The following PCDHA10 variants were observed in gnomAD, a reference collection of about 807,000 sequenced individuals.
PCDHA10 encodes the protein protocadherin alpha-10.
In PCDHA10, 45 loss-of-function variants were observed where a neutral mutation model predicts 61.2. The observed-to-expected ratio is 0.74, with a 90% confidence interval of 0.58 to 0.94. PCDHA10 has a LOEUF of 0.94. Among genes scored for constraint, PCDHA10 ranks in the 40% least tolerant of loss-of-function variants. The pLI, the probability that PCDHA10 is intolerant of heterozygous loss-of-function variation, is 0.00. For missense variants in PCDHA10, 1,278 were observed against 1,236.2 expected (o/e 1.03, Z -0.51); for synonymous variants, 602 against 548.8 (o/e 1.10, Z -1.35).
intron 1 of PCDHA10, chr5:140,875,190 C>T (rs2055337617): frequency 4.0e-6 from 2 of 496,884 alleles, no homozygotes; most frequent in Admixed American, 4.0e-5. Flanking sequence ...TTAAGAGTGA[C>T]CCAGGAAGTG....
intron 1 of PCDHA10, among the ~76,000 whole-genome samples, chr5:140,912,273 A>G (rs551128589): frequency 1.3e-5 from 2 of 151,890 alleles, no homozygotes; most frequent in South Asian, 4.2e-4. Flanking sequence ...TCACAGATAT[A>G]CCCAGGAACA....
At chr5:140,872,801 C>T (rs2053909345) in intron 1 of PCDHA10, among the ~76,000 whole-genome samples, 1 of 152,086 alleles carries the variant, frequency 6.6e-6, no homozygotes, top group African/African-American at 2.4e-5. Context: ...GGCATTCTTC[C>T]ATAAGTTTTT....
intron 1 of PCDHA10, among the ~76,000 whole-genome samples, chr5:140,888,878 T>G (rs1280508372): frequency 6.6e-6 from 1 of 152,132 alleles, no homozygotes; most frequent in African/African-American, 2.4e-5. Flanking sequence ...ACATAAAAAT[T>G]AAAACATTAG....
intron 1 of PCDHA10, among the ~76,000 whole-genome samples, chr5:140,949,913 A>G (rs554549969): frequency 9.9e-5 from 15 of 151,452 alleles, no homozygotes; most frequent in Admixed American, 2.6e-4. Context: ...TTTAGATATA[A>G]CTATTTTTAG....
At chr5:140,865,006 T>C (rs1171249709) in intron 1 of PCDHA10, 2 of 152,174 alleles carry the variant, frequency 1.3e-5, no homozygotes, top group Non-Finnish European at 2.9e-5. Context: ...GAGACCAGCC[T>C]CGGCAACATA....
In PCDHA10 at chr5:141,002,410, T is replaced by C. The variant is rs1034024595; in HGVS notation, c.2537-7217T>C. 2.2e-4 allele frequency among the ~76,000 whole-genome samples: 33 copies of C among 152,326 alleles called. 1 individual carries two copies. The highest frequency in any genetic ancestry group is 7.5e-4 in the African/African-American group (31 of 41,578). On this transcript the variant is annotated intron_variant, in intron 3 of 3. Coordinates refer to ENST00000307360, the MANE Select transcript of PCDHA10 (RefSeq NM_018901.4). The stretch of plus-strand genomic sequence containing the variant: ...TGCTGGCATCTCTGTGCCTCCCAAA[T>C]AGTAGTAACAAAACAGGCAATAACC...
At chr5:140,884,046 A>G (rs781965939) in intron 1 of PCDHA10, 6 of 1,613,474 alleles carry the variant, frequency 3.7e-6, no homozygotes, top group Non-Finnish European at 5.1e-6. Flanking sequence ...GTGGTGGCGA[A>G]GGTGCGCGCG....
At chr5:140,984,643 C>G (rs1300632981) in intron 3 of PCDHA10, among the ~76,000 whole-genome samples, 3 of 152,152 alleles carry the variant, frequency 2.0e-5, no homozygotes, top group Non-Finnish European at 4.4e-5. Context: ...TCTGCCTTCT[C>G]CCTGTCCTTC....
chr5:140,939,812 A>T (rs1277082652), intron 1 of PCDHA10, among the ~76,000 whole-genome samples: 4 of 152,196 alleles, frequency 2.6e-5, no homozygotes, highest in Non-Finnish European at 2.9e-5. Flanking sequence ...ATGTTCAAGA[A>T]AAAGCAGTAT....
rs78283049 is a variant in PCDHA10 at position 140,938,200 on chromosome 5, C to G, written c.2389-40749C>G. 2.3e-3 allele frequency among the ~76,000 whole-genome samples: 352 copies of G among 152,306 alleles called. 1 individual carries two copies. The highest frequency in any genetic ancestry group is 8.1e-3 in the African/African-American group (335 of 41,568). On this transcript the variant is annotated intron_variant, in intron 1 of 3. Coordinates refer to ENST00000307360, the MANE Select transcript of PCDHA10 (RefSeq NM_018901.4). ...GGCTCAAGCAATCCTCCCACGCCAG[C>G]CTCCCAAAGTGCTGGGATTACAGGC... is the stretch of plus-strand genomic sequence containing the variant.
chr5:140,981,185 T>C (rs2096921770), intron 2 of PCDHA10, among the ~76,000 whole-genome samples: 1 of 152,224 alleles, frequency 6.6e-6, no homozygotes. Flanking sequence ...TAGTTCAAGT[T>C]TGCCTGCTCT....
chr5:140,871,176 G>A (rs782559553), intron 1 of PCDHA10: 12 of 1,613,416 alleles, frequency 7.4e-6, no homozygotes, highest in Non-Finnish European at 1.0e-5. Flanking sequence ...CAGAGGCTGC[G>A]CTGGTGGATG....
intron 1 of PCDHA10, chr5:140,876,072 GGA>G: frequency 1.2e-6 from 2 of 1,613,902 alleles, no homozygotes; most frequent in Non-Finnish European, 8.5e-7. Flanking sequence ...GGAAGTTATT[GGA>G]CAGAGAGCAA....
chr5:140,882,204 G>T, intron 1 of PCDHA10: 1 of 1,530,664 alleles, frequency 6.5e-7, no homozygotes. Flanking sequence ...ATTGGGCCTT[G>T]AGAGACAGTT....
intron 1 of PCDHA10, chr5:140,870,649 G>T (rs533111347): frequency 1.2e-6 from 2 of 1,612,592 alleles, no homozygotes; most frequent in Non-Finnish European, 1.7e-6. Flanking sequence ...GAGCGGCAAG[G>T]TGTACGCGCT....
intron 1 of PCDHA10, chr5:140,862,879 G>T: frequency 1.8e-6 from 1 of 567,506 alleles, no homozygotes. Context: ...AGGTATTAGT[G>T]CTGGAACGAC....
chr5:140,881,241 T>C, intron 1 of PCDHA10: 1 of 382,456 alleles, frequency 2.6e-6, no homozygotes, highest in Non-Finnish European at 3.6e-6. Context: ...TCAATTTAAA[T>C]GACGGCAAGG....
chr5:140,892,534 T>C (rs1554185241), intron 1 of PCDHA10, among the ~76,000 whole-genome samples: 2 of 152,254 alleles, frequency 1.3e-5, no homozygotes, highest in African/African-American at 2.4e-5. Context: ...CTCAGGATTC[T>C]GACTTTTGTT....
chr5:140,946,294 A>G (rs529202868), intron 1 of PCDHA10, among the ~76,000 whole-genome samples: 1 of 152,056 alleles, frequency 6.6e-6, no homozygotes, highest in Admixed American at 6.5e-5. Flanking sequence ...ATCACCTCAC[A>G]CCTGGTAGAA....
Sources: allele counts gnomAD v4.1 joint callset (sites outside exome capture counted in the v4.1 genomes callset), GRCh38; gene constraint gnomAD v4.1.1; transcripts MANE v1.5; gene names NCBI Gene and HGNC (gene_info 2026-07-23, HGNC 2026-07-21).